The following CTNND2 variants were observed in gnomAD, a reference collection of about 807,000 sequenced individuals.
The protein encoded by CTNND2 is catenin delta 2, also known as catenin delta-2.
A neutral mutation model predicts 144.4 loss-of-function variants in CTNND2; 22 were observed. That is an observed-to-expected ratio of 0.15 (90% CI 0.11 to 0.22). The LOEUF (loss-of-function observed/expected upper bound fraction) is 0.22, where lower values mean the gene tolerates loss of function less well. CTNND2 is among the 10% of genes least tolerant of loss of function. The pLI is 1.00. For missense variants in CTNND2, 1,353 were observed against 1,618.8 expected (o/e 0.84, Z 2.82); for synonymous variants, 751 against 695.6 (o/e 1.08, Z -1.25).
chr5:11,392,495 A>G (rs1325689573), intron 6 of CTNND2, among the ~76,000 whole-genome samples: 1 of 152,234 alleles, frequency 6.6e-6, no homozygotes, highest in African/African-American at 2.4e-5. Flanking sequence ...CTCATTTAAT[A>G]TAACTGCAAT....
At chr5:11,744,309 T>G (rs1237512485) in intron 1 of CTNND2, among the ~76,000 whole-genome samples, 1 of 152,214 alleles carries the variant, frequency 6.6e-6, no homozygotes, top group Non-Finnish European at 1.5e-5. Context: ...GGCAAGCTTG[T>G]GACTTGAGAG....
intron 5 of CTNND2, among the ~76,000 whole-genome samples, chr5:11,403,818 G>C (rs1760836323): frequency 6.6e-6 from 1 of 152,164 alleles, no homozygotes; most frequent in African/African-American, 2.4e-5. Flanking sequence ...TTGTGAATGG[G>C]AACATAGCAG....
At chr5:11,528,421 A>G (rs1773455385) in intron 3 of CTNND2, among the ~76,000 whole-genome samples, 1 of 152,258 alleles carries the variant, frequency 6.6e-6, no homozygotes, top group Admixed American at 6.5e-5. Flanking sequence ...CACATAAAAA[A>G]AAAATGAAAT....
chr5:11,401,061 C>A (rs576947381), intron 5 of CTNND2, among the ~76,000 whole-genome samples: 4 of 152,194 alleles, frequency 2.6e-5, no homozygotes, highest in Non-Finnish European at 5.9e-5. Flanking sequence ...TTACAGATTC[C>A]AGGTGCTGGC....
chr5:11,128,803 A>G (rs1754996582), intron 12 of CTNND2, among the ~76,000 whole-genome samples: 2 of 18,498 alleles, frequency 1.1e-4, no homozygotes, highest in African/African-American at 3.5e-4. Context: ...TATTATATAT[A>G]TACAATATAT....
intron 1 of CTNND2, among the ~76,000 whole-genome samples, chr5:11,821,644 GA>G (rs1270643319): frequency 6.6e-6 from 1 of 152,100 alleles, no homozygotes; most frequent in East Asian, 1.9e-4. Context: ...TTCTTTATAG[GA>G]AAACTTAGCA....
chr5:11,572,576 A>T (rs1247534601), intron 2 of CTNND2, among the ~76,000 whole-genome samples: 1 of 152,010 alleles, frequency 6.6e-6, no homozygotes, highest in African/African-American at 2.4e-5. Context: ...TCCTCCTGAT[A>T]CATCCCTCTG....
intron 1 of CTNND2, among the ~76,000 whole-genome samples, chr5:11,792,653 A>G (rs1006126114): frequency 1.3e-5 from 2 of 152,228 alleles, no homozygotes; most frequent in Non-Finnish European, 2.9e-5. Flanking sequence ...CATGCCTGAC[A>G]TGGCTTTTTA....
chr5:11,444,220 G>T (rs560404639), intron 3 of CTNND2, among the ~76,000 whole-genome samples: 1 of 152,284 alleles, frequency 6.6e-6, no homozygotes, highest in South Asian at 2.1e-4. Flanking sequence ...GGCTGCTGGA[G>T]AACTGGTGTC....
At chr5:11,648,047 C>A (rs980376653) in intron 2 of CTNND2, among the ~76,000 whole-genome samples, 1 of 152,084 alleles carries the variant, frequency 6.6e-6, no homozygotes, top group African/African-American at 2.4e-5. Flanking sequence ...GGATTTAGTA[C>A]ATTTCTATTC....
At chr5:11,746,145 T>C (rs1463889717) in intron 1 of CTNND2, among the ~76,000 whole-genome samples, 1 of 152,108 alleles carries the variant, frequency 6.6e-6, no homozygotes, top group African/African-American at 2.4e-5. Context: ...CACCTTACAC[T>C]ACACACACCA....
Position 11,384,530 on chromosome 5 carries a change from C to T in CTNND2, c.1177+135G>A. The T allele has an allele frequency of 1.4e-6, 1 of 732,762 alleles. No homozygotes were observed. The highest frequency in any genetic ancestry group is 2.2e-6 in the Non-Finnish European group (1 of 458,420). 45.4% of individuals were successfully genotyped at this position (732,762 alleles called of 1,614,324 possible). ...CTGACTTGTTCCAGGAAAGCCCTGG[C>T]GTTCTCTGTCTCCTGCAACTACTAC... On this transcript the variant is annotated intron_variant, in intron 7 of 21. Transcript: ENST00000304623. This position sits in a 1 kb window ranked among gnomAD's most constrained non-coding sequence, Gnocchi z 5.2.
At chr5:11,004,770 C>CAAAAAAAAAAAAAA (rs56261802) in intron 18 of CTNND2, among the ~76,000 whole-genome samples, 1 of 88,856 alleles carries the variant, frequency 1.1e-5, no homozygotes, top group Non-Finnish European at 2.3e-5. Flanking sequence ...CTCCTTCTCA[C>CAAAAAAAAAAAAAA]AAAAAAAAAA....
chr5:11,870,990 G>A (rs924009536), intron 1 of CTNND2, among the ~76,000 whole-genome samples: 1 of 152,158 alleles, frequency 6.6e-6, no homozygotes, highest in Non-Finnish European at 1.5e-5. Flanking sequence ...TTGGAGACAG[G>A]GGTCTTTGGC....
chr5:11,305,134 C>G (rs1281828970), intron 9 of CTNND2, among the ~76,000 whole-genome samples: 1 of 152,200 alleles, frequency 6.6e-6, no homozygotes, highest in Non-Finnish European at 1.5e-5. Context: ...TTACTACACA[C>G]AAAACATTGT....
chr5:11,180,670 G>T (rs1469527825), intron 11 of CTNND2, among the ~76,000 whole-genome samples: 1 of 152,152 alleles, frequency 6.6e-6, no homozygotes, highest in Non-Finnish European at 1.5e-5. Context: ...CTGGGGACAG[G>T]GTCTGTAACA....
intron 15 of CTNND2, among the ~76,000 whole-genome samples, chr5:11,084,225 G>C (rs1398285362): frequency 3.3e-5 from 5 of 152,198 alleles, no homozygotes; most frequent in African/African-American, 4.8e-5. Context: ...AAACATTGAG[G>C]TTTGCAAACT....
intron 2 of CTNND2, among the ~76,000 whole-genome samples, chr5:11,715,216 C>G (rs1338783563): frequency 6.6e-6 from 1 of 152,092 alleles, no homozygotes; most frequent in Admixed American, 6.5e-5. Flanking sequence ...TACTATCAAG[C>G]ATGAACTCCT....
chr5:11,662,255 G>GTATATATATACA (rs1491157781), intron 2 of CTNND2, among the ~76,000 whole-genome samples: 2 of 105,338 alleles, frequency 1.9e-5, no homozygotes, highest in Admixed American at 8.4e-5. Context: ...ATATATGTGT[G>GTATATATATACA]TATATATGTG....
Sources: gnomAD v4.1 joint callset for allele counts (sites outside exome capture counted in the v4.1 genomes callset) on GRCh38, gnomAD v4.1.1 for gene constraint, Gnocchi (gnomAD v3.1) non-coding constraint, MANE v1.5 for transcripts, NCBI Gene and HGNC (gene_info 2026-07-23, HGNC 2026-07-21) for gene names.